MED6: variants seen among roughly 807,000 people sequenced by gnomAD.
MED6 encodes mediator complex subunit 6, also known as mediator of RNA polymerase II transcription subunit 6.
In MED6, 33 loss-of-function variants were observed where a neutral mutation model predicts 37.5. The ratio of observed to expected loss-of-function variants is 0.88; its 90% confidence interval spans 0.67 to 1.18. The LOEUF (loss-of-function observed/expected upper bound fraction) is 1.18, where lower values mean the gene tolerates loss of function less well. Ranked by LOEUF, MED6 falls within the 50% of genes most tolerant of loss-of-function variation. The probability of loss-of-function intolerance (pLI) is 0.00; values close to 1 mark genes in which losing one functional copy is unlikely to be tolerated. For synonymous variants in MED6, 94 were observed against 93.6 expected, an observed-to-expected ratio of 1.00 and a Z score of -0.02; for missense variants, 235 against 290.6, an observed-to-expected ratio of 0.81 and a Z score of 1.39.
At chr14:70,593,041 CA>C in intron 4 of MED6, 53 bp from the exon 5 acceptor site, 2 of 1,605,402 alleles carry the variant, frequency 1.2e-6, no homozygotes, top group Non-Finnish European at 1.7e-6. Context: ...CCAAACTTTC[CA>C]AAGTAAATAC....
intron 3 of MED6, chr14:70,595,370 C>CT: frequency 1.8e-6 from 1 of 567,658 alleles, no homozygotes; most frequent in East Asian, 3.8e-5. Context: ...TTGAGGAGAA[C>CT]ACCACAGTGG....
At position 70,596,625 on chromosome 14, in the gene MED6, T is replaced by C; in HGVS notation, c.260A>G (p.Gln87Arg). ...ILFIIRKQQR[Q>R]SPAQVIPLAD... ...ACACATTTTACCTTGGGCAGGGGAC[T>C]GCCGCTGTTGCTTCCGAATGATGAA... The change falls in exon 3 of 8, where the codon CAG (glutamine) becomes CGG (arginine). Residue 87 changes from glutamine (Q) to arginine (R), a missense_variant. Transcript: ENST00000256379. The C allele has an allele frequency of 1.2e-6, 2 of 1,613,354 alleles. No homozygotes were observed. The highest frequency in any genetic ancestry group is 2.2e-5 in the South Asian group (2 of 91,058).
intron 1 of MED6, among the ~76,000 whole-genome samples, chr14:70,600,261 G>A (rs747745319): frequency 6.6e-6 from 1 of 152,084 alleles, no homozygotes; most frequent in Non-Finnish European, 1.5e-5. Flanking sequence ...AAATCAAGTT[G>A]GCTTATTACC....
chr14:70,591,828 C>T (rs1884878907), intron 5 of MED6: 1 of 152,130 alleles, frequency 6.6e-6, no homozygotes, highest in Non-Finnish European at 1.5e-5. Flanking sequence ...ATTATTAAGA[C>T]TGTAATTCAC....
In MED6 at chr14:70,590,382, G is replaced by T. The variant is rs76168858; in HGVS notation, c.582+884C>A. 3.6e-3 allele frequency among the ~76,000 whole-genome samples: 548 copies of T among 152,186 alleles called. 3 individuals are homozygous for T. Among genetic ancestry groups the T allele is most frequent in the African/African-American group, 0.013 (526 of 41,522 alleles). On this transcript the variant is annotated intron_variant, in intron 6 of 7. Coordinates refer to ENST00000256379, the MANE Select transcript of MED6 (RefSeq NM_005466.4). ...CAGTTGATGAGATTCCTCTAAACTG[G>T]CTTTCCTGTCCTGAGTTCCATCTTG...
intron 1 of MED6, among the ~76,000 whole-genome samples, chr14:70,598,878 G>A (rs970265606): frequency 6.6e-6 from 1 of 152,192 alleles, no homozygotes. Flanking sequence ...TATTGTAGAT[G>A]AGATGATAAT....
chr14:70,589,203 T>C (rs1317148188), intron 6 of MED6, among the ~76,000 whole-genome samples: 2 of 152,186 alleles, frequency 1.3e-5, no homozygotes, highest in Non-Finnish European at 2.9e-5. Flanking sequence ...GAATCACCCT[T>C]TGTCCAATCT....
Position 70,584,785 on chromosome 14 carries a change from T to C in MED6, c.*28A>G, listed in dbSNP as rs1455924661. The C allele has an allele frequency of 2.5e-6, 4 of 1,604,576 alleles. No individual in the cohort carries two copies. The highest frequency in any genetic ancestry group is 2.7e-5 in the African/African-American group (2 of 74,018). ...GAGGTATGATAACTAGCATGAGGAG[T>C]CTTCCAGGCTTCTCTTTTGTCCAGT... On this transcript the variant is annotated 3_prime_UTR_variant, in exon 8 of 8. Coordinates refer to ENST00000256379, the MANE Select transcript of MED6 (RefSeq NM_005466.4).
chr14:70,584,665 C>T lies in MED6; in HGVS notation c.*148G>A. ...TGCTGGGATTACAGGCGTGAGCCAC[C>T]ACATCCGGCCTAATATCCTTTCAAA... On this transcript the variant is annotated 3_prime_UTR_variant, in exon 8 of 8. Coordinates refer to ENST00000256379, the MANE Select transcript of MED6 (RefSeq NM_005466.4). 9.4e-7 allele frequency: 1 copy of T among 1,060,504 alleles called. No homozygotes were observed. Among genetic ancestry groups the T allele is most frequent in the Non-Finnish European group, 1.3e-6 (1 of 752,656 alleles). The allele number at this position is 1,060,504 out of a possible 1,614,324, so 65.7% of individuals were successfully genotyped here. A position where few individuals can be genotyped will look rare whatever the true frequency, so the allele number is the denominator to read the frequency against.
rs2139608482 is a variant in MED6 at position 70,600,630 on chromosome 14, G to T, written c.8C>A (p.Ala3Glu). The T allele has an allele frequency of 7.4e-6, 12 of 1,612,742 alleles. No homozygotes were observed. Among genetic ancestry groups the T allele is most frequent in the Non-Finnish European group, 1.0e-5 (12 of 1,179,826 alleles). The stretch of plus-strand genomic sequence containing the variant: ...ATACAGTATACCTCGGATATCCACC[G>T]CCGCCATAATTCCGAGAGCGTTTAC... MAAVDIRDNLLGI... is the reference protein window; with the variant it reads MAEVDIRDNLLGI... The change falls in exon 1 of 8, where the codon GCG becomes GAG. Residue 3 changes from alanine (A) to glutamate (E), a missense_variant. Ala to Glu is a moderately radical substitution (Grantham distance 107). Coordinates refer to ENST00000256379, the MANE Select transcript of MED6 (RefSeq NM_005466.4).
chr14:70,593,072 C>A, intron 4 of MED6, 84 bp from the exon 5 acceptor site: 1 of 1,555,696 alleles, frequency 6.4e-7, no homozygotes, highest in South Asian at 1.1e-5. Flanking sequence ...ATTACATATG[C>A]AAAGACAGAA....
intron 3 of MED6, chr14:70,595,592 C>T (rs1384048129): frequency 5.4e-6 from 4 of 734,112 alleles, no homozygotes; most frequent in Non-Finnish European, 9.5e-6. Context: ...TGGCACAGGC[C>T]GGGGCAGAGA....
chr14:70,597,811 G>C, intron 1 of MED6, 34 bp from the exon 2 acceptor site: 1 of 1,498,782 alleles, frequency 6.7e-7, no homozygotes, highest in South Asian at 1.3e-5. Context: ...TAAAGGATTA[G>C]AAAAATAGAA....
In MED6 at chr14:70,584,205, G is replaced by T; in HGVS notation, c.*608C>A. On this transcript the variant is annotated 3_prime_UTR_variant, in exon 8 of 8. Coordinates refer to ENST00000256379, the MANE Select transcript of MED6 (RefSeq NM_005466.4). ...TTCAAAGTGCATCTGAAAAATATCA[G>T]TTATGATGAAGAAAAAAGTCATGAT... The T allele has an allele frequency of 1.3e-6, 1 of 746,144 alleles. No homozygotes were observed. Among genetic ancestry groups the T allele is most frequent in the African/African-American group, 1.7e-5 (1 of 57,648 alleles). 46.2% of individuals were successfully genotyped at this position (746,144 alleles called of 1,614,324 possible).
chr14:70,591,993 C>T lies in MED6; in HGVS notation c.467-612G>A, dbSNP rs958924343. 3.9e-5 allele frequency among the ~76,000 whole-genome samples: 6 copies of T among 152,234 alleles called. 1 individual carries two copies. In the Middle Eastern group the frequency reaches 0.017, roughly 432 times the overall value. ...AAAGGATTCCAGATAAGTGTTACTC[C>T]GAACACTTGGTTATCGTAGGGGAAA... On this transcript the variant is annotated intron_variant, in intron 5 of 7. Coordinates refer to ENST00000256379, the MANE Select transcript of MED6 (RefSeq NM_005466.4).
chr14:70,590,667 T>C (rs1227377379), intron 6 of MED6, among the ~76,000 whole-genome samples: 2 of 152,222 alleles, frequency 1.3e-5, no homozygotes, highest in Non-Finnish European at 2.9e-5. Context: ...TTCCATTCCA[T>C]ATCTACTAGA....
At chr14:70,596,821 G>A (rs750841434) in intron 2 of MED6, 119 bp from the exon 3 acceptor site, 10 of 691,894 alleles carry the variant, frequency 1.4e-5, no homozygotes, top group Non-Finnish European at 2.1e-5. Flanking sequence ...AACTGCCTAT[G>A]TTTGGTGTTA....
In MED6 at chr14:70,584,383, CT is replaced by C. The variant is rs1328143697; in HGVS notation, c.*429del. 1 of 426,530 alleles carries C rather than the reference CT, an allele frequency of 2.3e-6. No individual in the cohort carries two copies. Among genetic ancestry groups the C allele is most frequent in the East Asian group, 4.0e-5 (1 of 25,176 alleles). The allele number at this position is 426,530 out of a possible 1,614,324, so 26.4% of individuals were successfully genotyped here. On this transcript the variant is annotated 3_prime_UTR_variant, in exon 8 of 8. Transcript: ENST00000256379. ...AATCATGATGGGAATAATATCTTTT[CT>C]TCTTTTTTGAGACAAAGTCTCGCTC...
rs1335855429 is a variant in MED6 at position 70,584,606 on chromosome 14, C to T, written c.*207G>A. On this transcript the variant is annotated 3_prime_UTR_variant, in exon 8 of 8. Coordinates refer to ENST00000256379, the MANE Select transcript of MED6 (RefSeq NM_005466.4). ...GGTCAGGCTGGTCTTGAACTTCTGA[C>T]CTCAAGTGATCCACCCGCCATGGCC... The T allele has an allele frequency of 2.0e-6, 1 of 502,900 alleles. No homozygotes were observed. Among genetic ancestry groups the T allele is most frequent in the East Asian group, 4.0e-5 (1 of 25,292 alleles). The allele number at this position is 502,900 out of a possible 1,614,324, so 31.2% of individuals were successfully genotyped here.
Sources: gnomAD v4.1 joint callset for allele counts (sites outside exome capture counted in the v4.1 genomes callset) on GRCh38, gnomAD v4.1.1 for gene constraint, MANE v1.5 for transcripts, NCBI Gene and HGNC (gene_info 2026-07-23, HGNC 2026-07-21) for gene names.